Variants in GRB2 observed in about 807,000 individuals in gnomAD.
The protein encoded by GRB2 is growth factor receptor-bound protein 2.
Under a neutral mutation model 27.4 loss-of-function variants are expected in GRB2, and 2 were observed. The ratio of observed to expected loss-of-function variants is 0.07; its 90% confidence interval spans 0.03 to 0.23. The LOEUF (loss-of-function observed/expected upper bound fraction) is 0.23, where lower values mean the gene tolerates loss of function less well. Among genes scored for constraint, GRB2 ranks in the 10% least tolerant of loss-of-function variants. The pLI is 1.00. For synonymous variants in GRB2, 94 were observed against 99.6 expected (o/e 0.94, Z 0.33); for missense variants, 102 against 282.4 (o/e 0.36, Z 4.58).
intron 3 of GRB2, among the ~76,000 whole-genome samples, chr17:75,329,005 TC>T (rs2078521148): frequency 6.6e-6 from 1 of 151,908 alleles, no homozygotes; most frequent in Non-Finnish European, 1.5e-5. Context: ...ACCTTCTCAA[TC>T]GGGGGGCCCC....
chr17:75,353,273 C>T (rs1459026222), intron 2 of GRB2, among the ~76,000 whole-genome samples: 3 of 151,754 alleles, frequency 2.0e-5, no homozygotes, highest in Admixed American at 6.6e-5. Flanking sequence ...TGTGCATACT[C>T]AAGTCCCACA....
rs1488610739 is a variant in GRB2 at position 75,320,692 on chromosome 17, C to A, written c.469-139G>T. ...CTTAAACTCACCTCCCATCTCCCAA[C>A]CCCCCGTTTATTCTTACCTATTCTA... is the stretch of plus-strand genomic sequence containing the variant. On this transcript the variant is annotated intron_variant, in intron 5 of 5. Coordinates refer to ENST00000316804, the MANE Select transcript of GRB2 (RefSeq NM_002086.5). This position sits in a 1 kb window ranked among gnomAD's most constrained non-coding sequence, Gnocchi z 4.3. The A allele has an allele frequency of 7.9e-6, 5 of 636,674 alleles. No individual in the cohort carries two copies. Among genetic ancestry groups the A allele is most frequent in the East Asian group, 2.7e-5 (1 of 36,604 alleles). The allele number at this position is 636,674 out of a possible 1,614,324, so 39.4% of individuals were successfully genotyped here.
chr17:75,384,506 T>C (rs187174720), intron 2 of GRB2, among the ~76,000 whole-genome samples: 1 of 152,002 alleles, frequency 6.6e-6, no homozygotes, highest in African/African-American at 2.4e-5. Flanking sequence ...CTGTCTCTAC[T>C]AAAAATACAA....
At chr17:75,375,210 CA>C (rs1345705688) in intron 2 of GRB2, among the ~76,000 whole-genome samples, 3 of 152,114 alleles carry the variant, frequency 2.0e-5, no homozygotes, top group Non-Finnish European at 4.4e-5. Context: ...GCCTGATCTA[CA>C]TAATTCTATC....
At chr17:75,337,808 C>T (rs530727206) in intron 2 of GRB2, among the ~76,000 whole-genome samples, 12 of 150,242 alleles carry the variant, frequency 8.0e-5, no homozygotes, top group African/African-American at 2.7e-4. Context: ...CCTCGTGATC[C>T]GCCTGCCTCG....
chr17:75,337,785 G>C (rs976964695), intron 2 of GRB2, among the ~76,000 whole-genome samples: 2 of 150,412 alleles, frequency 1.3e-5, no homozygotes, highest in African/African-American at 2.4e-5. Flanking sequence ...TAGCCAGGAC[G>C]GTCTTGATCT....
intron 3 of GRB2, among the ~76,000 whole-genome samples, chr17:75,327,635 C>T (rs1446209184): frequency 6.6e-6 from 1 of 151,922 alleles, no homozygotes; most frequent in Non-Finnish European, 1.5e-5. Flanking sequence ...TCCCAAAGTG[C>T]TGGGATTAAA....
chr17:75,328,756 G>T (rs2078518130), intron 3 of GRB2, among the ~76,000 whole-genome samples: 1 of 152,000 alleles, frequency 6.6e-6, no homozygotes, highest in Non-Finnish European at 1.5e-5. Flanking sequence ...GGCTAACACG[G>T]TGAAACCCTG....
intron 2 of GRB2, among the ~76,000 whole-genome samples, chr17:75,347,708 T>C (rs979680938): frequency 6.6e-6 from 1 of 152,140 alleles, no homozygotes; most frequent in African/African-American, 2.4e-5. Flanking sequence ...ATAACACAGG[T>C]GAGCTGGGGC....
intron 1 of GRB2, 170 bp from the exon 2 acceptor site, chr17:75,393,935 C>A (rs2079015207): frequency 4.4e-6 from 2 of 454,732 alleles, no homozygotes; most frequent in East Asian, 7.7e-5. Flanking sequence ...CTCTTTTCAG[C>A]CTCGGCCCCC....
intron 2 of GRB2, among the ~76,000 whole-genome samples, chr17:75,390,477 G>T (rs1004294405): frequency 2.0e-5 from 3 of 152,088 alleles, no homozygotes; most frequent in African/African-American, 7.2e-5. Context: ...ACCACACCAG[G>T]CCTGAAACCT....
rs1408423489 is a variant in GRB2 at position 75,318,952 on chromosome 17, G to C, written c.*1416C>G. Reference sequence around the variant, plus strand: ...GTTCCAGGGGTGCATATAGGGAGGGGGCGGGGGCCACAACCCCCGAGACGG... The same window carrying C: ...GTTCCAGGGGTGCATATAGGGAGGGCGCGGGGGCCACAACCCCCGAGACGG... On this transcript the variant is annotated 3_prime_UTR_variant, in exon 6 of 6. Transcript: ENST00000316804. 1.3e-5 allele frequency: 2 copies of C among 152,386 alleles called. No individual in the cohort carries two copies. The highest frequency in any genetic ancestry group is 4.8e-5 in the African/African-American group (2 of 41,370). The allele number at this position is 152,386 out of a possible 1,614,324, so 9.4% of individuals were successfully genotyped here. A position where few individuals can be genotyped will look rare whatever the true frequency, so the allele number is the denominator to read the frequency against.
chr17:75,354,331 C>T (rs1197477984), intron 2 of GRB2, among the ~76,000 whole-genome samples: 1 of 149,178 alleles, frequency 6.7e-6, no homozygotes, highest in Non-Finnish European at 1.5e-5. Flanking sequence ...GCGATCTCTG[C>T]TCACTGCAAC....
At chr17:75,331,618 G>A (rs902064467) in intron 3 of GRB2, among the ~76,000 whole-genome samples, 1 of 152,184 alleles carries the variant, frequency 6.6e-6, no homozygotes. Flanking sequence ...ATCTAATGAA[G>A]GAGCCAGCAA....
rs2145816262 is a variant in GRB2 at position 75,320,636 on chromosome 17, G to GA, written c.469-84dup. 1.0e-6 allele frequency: 1 copy of GA among 981,766 alleles called. No homozygotes were observed. Among genetic ancestry groups the GA allele is most frequent in the East Asian group, 2.4e-5 (1 of 41,408 alleles). 60.8% of individuals were successfully genotyped at this position (981,766 alleles called of 1,614,324 possible). On this transcript the variant is annotated intron_variant, in intron 5 of 5. Coordinates refer to ENST00000316804, the MANE Select transcript of GRB2 (RefSeq NM_002086.5). The surrounding 1 kb of genome is among the most constrained non-coding windows in gnomAD (Gnocchi z 4.3). Reference sequence around the variant, plus strand: ...TCCGAGGCCAGATGGGTTCCAGGGGGAAACGAATGCGTGCCAAATTCTCCA... The same window carrying GA: ...TCCGAGGCCAGATGGGTTCCAGGGGGAAAACGAATGCGTGCCAAATTCTCCA...
At chr17:75,370,430 T>G (rs528071524) in intron 2 of GRB2, among the ~76,000 whole-genome samples, 1 of 152,216 alleles carries the variant, frequency 6.6e-6, no homozygotes, top group African/African-American at 2.4e-5. Flanking sequence ...CTTGTTCGGT[T>G]TGGATACCTT....
chr17:75,347,887 A>G (rs2078665183), intron 2 of GRB2, among the ~76,000 whole-genome samples: 1 of 152,236 alleles, frequency 6.6e-6, no homozygotes, highest in Non-Finnish European at 1.5e-5. Context: ...GACTGAAATT[A>G]GCCTAAAATC....
At chr17:75,401,307 C>T (rs2079061998) in intron 1 of GRB2, among the ~76,000 whole-genome samples, 1 of 151,136 alleles carries the variant, frequency 6.6e-6, no homozygotes, top group Non-Finnish European at 1.5e-5. Context: ...TAGCCGGGCG[C>T]GGTGGCGGGC....
At chr17:75,379,079 T>C (rs2078911721) in intron 2 of GRB2, among the ~76,000 whole-genome samples, 1 of 152,202 alleles carries the variant, frequency 6.6e-6, no homozygotes, top group African/African-American at 2.4e-5. Context: ...ACCTGCTTAC[T>C]TTCATTATAA....
Sources: gnomAD v4.1 joint callset for allele counts (sites outside exome capture counted in the v4.1 genomes callset) on GRCh38, gnomAD v4.1.1 for gene constraint, Gnocchi (gnomAD v3.1) non-coding constraint, MANE v1.5 for transcripts, NCBI Gene and HGNC (gene_info 2026-07-23, HGNC 2026-07-21) for gene names.